Variants in NEBL observed in about 807,000 individuals in gnomAD.
NEBL encodes the protein nebulette.
Under a neutral mutation model 140.2 loss-of-function variants are expected in NEBL, and 122 were observed. The ratio of observed to expected loss-of-function variants is 0.87; its 90% CI spans 0.75 to 1.01. The LOEUF is 1.01. NEBL is among the 50% of genes least tolerant of loss of function. The probability of loss-of-function intolerance (pLI) is 0.00; values close to 1 mark genes in which losing one functional copy is unlikely to be tolerated. For missense variants in NEBL, 1,365 were observed against 1,231.3 expected (o/e 1.11, Z -1.62); for synonymous variants, 436 against 398.9 (o/e 1.09, Z -1.11).
In NEBL at chr10:21,173,080, T is replaced by C. The variant is rs1388173638; in HGVS notation, c.70-603A>G. Among the ~76,000 whole-genome samples, 1 of 152,098 alleles carries C rather than the reference T, an allele frequency of 6.6e-6. No individual in the cohort carries two copies. The highest frequency in any genetic ancestry group is 6.5e-5 in the Admixed American group (1 of 15,284). On this transcript the variant is annotated intron_variant, in intron 1 of 6. Coordinates refer to the NEBL transcript ENST00000417816. The surrounding 1 kb of genome is among the most constrained non-coding windows in gnomAD (Gnocchi z 5.7). Reference sequence around the variant, plus strand: ...CTGGCTGGTTTCAACTGTCAGTCACTCCGGATCGCTCCTGGGTGTCTCTCT... The same window carrying C: ...CTGGCTGGTTTCAACTGTCAGTCACCCCGGATCGCTCCTGGGTGTCTCTCT...
intron 3 of NEBL, among the ~76,000 whole-genome samples, chr10:21,183,447 A>G (rs1424755097): frequency 6.6e-6 from 1 of 152,094 alleles, no homozygotes. Context: ...AACAGGGCAA[A>G]CAGAAGAGAA....
intron 3 of NEBL, among the ~76,000 whole-genome samples, chr10:21,191,070 A>G (rs1486096806): frequency 6.6e-6 from 1 of 152,200 alleles, no homozygotes; most frequent in East Asian, 1.9e-4. Context: ...AGGAACCTTA[A>G]ACTACTTAGA....
At chr10:21,109,871 G>A (rs898193043) in intron 2 of NEBL, among the ~76,000 whole-genome samples, 8 of 151,948 alleles carry the variant, frequency 5.3e-5, no homozygotes, top group Non-Finnish European at 4.4e-5. Context: ...ATTTTTTATT[G>A]TGTCTATTTG....
At chr10:20,843,183 TCTATC>T (rs1841555233) in intron 12 of NEBL, among the ~76,000 whole-genome samples, 1 of 151,992 alleles carries the variant, frequency 6.6e-6, no homozygotes, top group South Asian at 2.1e-4. Flanking sequence ...GCACCACAGT[TCTATC>T]CCTCTACTGA....
At chr10:21,013,793 G>A (rs570172649) in intron 3 of NEBL, among the ~76,000 whole-genome samples, 48 of 152,246 alleles carry the variant, frequency 3.2e-4, no homozygotes, top group African/African-American at 9.4e-4. Context: ...CAGGAGAATC[G>A]CTGGAACCTG....
chr10:21,071,370 AC>A (rs1343848132), intron 2 of NEBL, among the ~76,000 whole-genome samples: 1 of 152,010 alleles, frequency 6.6e-6, no homozygotes, highest in African/African-American at 2.4e-5. Context: ...TAATTTACAC[AC>A]ACACTCCTTT....
At position 21,197,129 on chromosome 10, in the gene NEBL, C is replaced by A. The variant is rs74121099; in HGVS notation, n.349-24652G>T. ...CTTCCACTTGTGAAAAAAATGGTTACTTCTCTTCTAGTGAATTTTATCCAG... is the reference window on the plus strand; with the variant it reads ...CTTCCACTTGTGAAAAAAATGGTTAATTCTCTTCTAGTGAATTTTATCCAG... On this transcript the variant is annotated intron_variant and non_coding_transcript_variant, in intron 3 of 8. Coordinates refer to the NEBL transcript ENST00000675702. 9.5e-3 allele frequency among the ~76,000 whole-genome samples: 1,440 copies of A among 152,298 alleles called. 27 individuals are homozygous for A. Among genetic ancestry groups the A allele is most frequent in the African/African-American group, 0.033 (1,364 of 41,554 alleles).
intron 2 of NEBL, among the ~76,000 whole-genome samples, chr10:21,093,150 C>CTTCTTTTTTTTT (rs1837000999): frequency 1.1e-5 from 1 of 95,040 alleles, no homozygotes; most frequent in Non-Finnish European, 2.0e-5. Context: ...AGCAACAAGT[C>CTTCTTTTTTTTT]TTTTTTTTTT....
intron 1 of NEBL, among the ~76,000 whole-genome samples, chr10:21,286,964 G>A (rs189869196): frequency 7.2e-5 from 11 of 152,288 alleles, no homozygotes; most frequent in East Asian, 5.8e-4. Context: ...ACAAAGGGTG[G>A]TGGGGAGGCA....
chr10:20,859,969 A>AATTAGGC, intron 7 of NEBL, 143 bp from the exon 8 acceptor site: 1 of 523,892 alleles, frequency 1.9e-6, no homozygotes, highest in Non-Finnish European at 3.4e-6. Context: ...TATAAAGCTT[A>AATTAGGC]ATTAGGCACA....
chr10:20,947,882 C>T (rs1025265928), intron 4 of NEBL, among the ~76,000 whole-genome samples: 13 of 152,148 alleles, frequency 8.5e-5, no homozygotes, highest in African/African-American at 2.7e-4. Context: ...TAACAAACAC[C>T]GAATTATTTT....
intron 1 of NEBL, among the ~76,000 whole-genome samples, chr10:21,277,957 G>A (rs1434953244): frequency 6.6e-6 from 1 of 152,204 alleles, no homozygotes; most frequent in African/African-American, 2.4e-5. Flanking sequence ...TCATTGAGCT[G>A]TTGTCTATAT....
Position 20,823,219 on chromosome 10 carries a change from T to A in NEBL, c.1951A>T (p.Asn651Tyr), listed in dbSNP as rs777696967. Residue 651 changes from asparagine (N) to tyrosine (Y), a missense_variant, in exon 19 of 28, where the codon AAC (asparagine) becomes TAC (tyrosine). Coordinates refer to ENST00000377122, the MANE Select transcript of NEBL (RefSeq NM_006393.3). ...AGAAATATGATCACATTGCTGATGT[T>A]CTTCTGGTTTTCTTTAACTCTCTTT... ...ELKRVKENQK[N>Y]ISNLQYKEQN... is the part of the protein sequence containing the mutation. 8.7e-6 allele frequency: 14 copies of A among 1,603,956 alleles called. No homozygotes were observed. The South Asian group carries it at 1.5e-4, about 18-fold the overall frequency.
chr10:20,921,608 G>A lies in NEBL; in HGVS notation c.357+40064C>T, dbSNP rs150628563. Among the ~76,000 whole-genome samples, 42 of 152,134 alleles carry A rather than the reference G, an allele frequency of 2.8e-4. No homozygotes were observed. In the East Asian group the frequency reaches 5.6e-3, roughly 20 times the overall value. On this transcript the variant is annotated intron_variant, in intron 4 of 6. Coordinates refer to the NEBL transcript ENST00000417816. ...GGGTGGTCATGACTTCCTGAATCTC[G>A]GGGCACCTCACTATCCCTTGCTTGT...
intron 2 of NEBL, 107 bp from the exon 3 acceptor site, chr10:20,890,056 T>C (rs1846900612): frequency 8.1e-6 from 6 of 739,318 alleles, no homozygotes; most frequent in Non-Finnish European, 1.4e-5. Context: ...AAGTAAATAC[T>C]CAAGTGTGAA....
chr10:21,239,892 T>A (rs1842415567), intron 3 of NEBL, among the ~76,000 whole-genome samples: 1 of 151,886 alleles, frequency 6.6e-6, no homozygotes, highest in Non-Finnish European at 1.5e-5. Context: ...GGCGGTCACC[T>A]GTAGTCCCAG....
In NEBL at chr10:20,913,080, A is replaced by T. The variant is rs140510061; in HGVS notation, c.357+48592T>A. On this transcript the variant is annotated intron_variant, in intron 4 of 6. Coordinates refer to the NEBL transcript ENST00000417816. Reference sequence around the variant, plus strand: ...CCCTGCTGTAAATTGTTTTGAACAGAGGGTGAAATAGGCTTAGGGAGGAAC... The same window carrying T: ...CCCTGCTGTAAATTGTTTTGAACAGTGGGTGAAATAGGCTTAGGGAGGAAC... 4.9e-3 allele frequency among the ~76,000 whole-genome samples: 742 copies of T among 151,942 alleles called. 9 individuals are homozygous for T. The highest frequency in any genetic ancestry group is 0.017 in the African/African-American group (709 of 41,428).
chr10:20,956,777 A>C (rs1835826989), intron 4 of NEBL, among the ~76,000 whole-genome samples: 1 of 152,230 alleles, frequency 6.6e-6, no homozygotes, highest in African/African-American at 2.4e-5. Flanking sequence ...TATTTAAAAA[A>C]AAAAGTTTGC....
intron 3 of NEBL, among the ~76,000 whole-genome samples, chr10:21,203,546 C>G (rs2132229143): frequency 6.6e-6 from 1 of 152,286 alleles, no homozygotes; most frequent in East Asian, 1.9e-4. Flanking sequence ...TGCTTTATTA[C>G]TCCCTCTGTA....
Sources: allele counts gnomAD v4.1 joint callset (sites outside exome capture counted in the v4.1 genomes callset), GRCh38; gene constraint gnomAD v4.1.1; non-coding constraint Gnocchi (gnomAD v3.1); transcripts MANE v1.5; gene names NCBI Gene and HGNC (gene_info 2026-07-23, HGNC 2026-07-21).